The following SLCO5A1 variants were observed in gnomAD, a reference collection of about 807,000 sequenced individuals.
The protein encoded by SLCO5A1 is solute carrier organic anion transporter family member 5A1.
In SLCO5A1, 39 loss-of-function variants were observed where a neutral mutation model predicts 65.1. The ratio of observed to expected loss-of-function variants is 0.60; its 90% CI spans 0.46 to 0.78. SLCO5A1 has a LOEUF of 0.78. Among genes scored for constraint, SLCO5A1 ranks in the 30% least tolerant of loss-of-function variants. The pLI, the probability that SLCO5A1 is intolerant of heterozygous loss-of-function variation, is 0.00. For missense variants in SLCO5A1, 1,029 were observed against 1,069.4 expected (o/e 0.96, Z 0.53); for synonymous variants, 438 against 415.7 (o/e 1.05, Z -0.65).
chr8:69,797,009 T>C (rs962862901), intron 2 of SLCO5A1, among the ~76,000 whole-genome samples: 1 of 152,218 alleles, frequency 6.6e-6, no homozygotes, highest in Non-Finnish European at 1.5e-5. Flanking sequence ...GTCACAACCA[T>C]TTAACAAGTC....
At chr8:69,800,326 T>C (rs1318183017) in intron 2 of SLCO5A1, among the ~76,000 whole-genome samples, 1 of 132,766 alleles carries the variant, frequency 7.5e-6, no homozygotes, top group African/African-American at 2.9e-5. Context: ...CAATCACAAA[T>C]CACTGCAGCT....
chr8:69,830,193 T>C (rs1821101084), intron 2 of SLCO5A1, among the ~76,000 whole-genome samples: 1 of 152,154 alleles, frequency 6.6e-6, no homozygotes, highest in Non-Finnish European at 1.5e-5. Flanking sequence ...CAAACACCCC[T>C]CTATAACAGC....
chr8:69,748,559 C>T (rs953593242), intron 4 of SLCO5A1, among the ~76,000 whole-genome samples: 14 of 152,048 alleles, frequency 9.2e-5, no homozygotes, highest in African/African-American at 3.1e-4. Context: ...GCATCCAAAC[C>T]GGGAGAAAGA....
At chr8:69,677,555 G>T (rs1813599659) in intron 8 of SLCO5A1, among the ~76,000 whole-genome samples, 1 of 152,164 alleles carries the variant, frequency 6.6e-6, no homozygotes, top group African/African-American at 2.4e-5. Flanking sequence ...CAAGACCAGT[G>T]CCCTTGTCAC....
chr8:69,787,859 T>G (rs1334423449), intron 2 of SLCO5A1, among the ~76,000 whole-genome samples: 1 of 152,120 alleles, frequency 6.6e-6, no homozygotes, highest in Non-Finnish European at 1.5e-5. Context: ...CCAACAACCT[T>G]GAGGTCAAAA....
intron 5 of SLCO5A1, among the ~76,000 whole-genome samples, chr8:69,728,644 T>A (rs1816197356): frequency 6.6e-6 from 1 of 152,206 alleles, no homozygotes; most frequent in South Asian, 2.1e-4. Context: ...CTATATGTCT[T>A]ATGGTTTATG....
At chr8:69,745,848 T>A (rs1259650316) in intron 4 of SLCO5A1, among the ~76,000 whole-genome samples, 1 of 152,226 alleles carries the variant, frequency 6.6e-6, no homozygotes, top group Admixed American at 6.5e-5. Flanking sequence ...ATATAAATAC[T>A]TTCTTACTAT....
At chr8:69,831,084 C>T (rs1399521725) in intron 2 of SLCO5A1, among the ~76,000 whole-genome samples, 1 of 152,062 alleles carries the variant, frequency 6.6e-6, no homozygotes, top group African/African-American at 2.4e-5. Context: ...ACCAGCCTGA[C>T]AAACATGGTG....
rs764923846 is a variant in SLCO5A1 at position 69,672,961 on chromosome 8, G to C, written c.2455C>G (p.Gln819Glu). 3.1e-6 allele frequency: 5 copies of C among 1,614,232 alleles called. No individual in the cohort carries two copies. Among genetic ancestry groups the C allele is most frequent in the Admixed American group, 1.7e-5 (1 of 60,028 alleles). The change falls in exon 10 of 10, where the codon CAG (glutamine) becomes GAG (glutamate). Residue 819 changes from glutamine to glutamate, a missense_variant. This residue lies in a region of SLCO5A1 where 258 missense variants were observed against 237.4 expected (regional missense o/e 1.09). Transcript: ENST00000260126. ...TCTGGGAAGGGCCCCGGGTAGGTCTGTGCTGCGCACTGGATCCCTTTTTGC... is the reference window on the plus strand; with the variant it reads ...TCTGGGAAGGGCCCCGGGTAGGTCTCTGCTGCGCACTGGATCCCTTTTTGC... ...GLQKGIQCAA[Q>E]TYPGPFPEAI...
intron 4 of SLCO5A1, among the ~76,000 whole-genome samples, chr8:69,743,069 G>A (rs946653670): frequency 6.6e-6 from 1 of 152,096 alleles, no homozygotes; most frequent in Admixed American, 6.6e-5. Flanking sequence ...CAAAGTGCTG[G>A]GATTACAGGC....
At chr8:69,779,238 G>A (rs993101686) in intron 2 of SLCO5A1, among the ~76,000 whole-genome samples, 5 of 151,992 alleles carry the variant, frequency 3.3e-5, no homozygotes, top group African/African-American at 1.2e-4. Flanking sequence ...CACCCCTAAG[G>A]TAGTTATAAT....
Position 69,784,889 on chromosome 8 carries a change from A to AAG in SLCO5A1, c.908-23015_908-23014insCT, listed in dbSNP as rs1159016263. ...GGAAGGAAGGAGAAAGAAAGAAAGA[A>AAG]GAAAGGAAGAAAGAAAGAAAGAAAG... On this transcript the variant is annotated intron_variant, in intron 2 of 9. Coordinates refer to ENST00000260126, the MANE Select transcript of SLCO5A1 (RefSeq NM_030958.3). Among the ~76,000 whole-genome samples, 267 of 121,580 alleles carry AAG rather than the reference A, an allele frequency of 2.2e-3. 1 individual carries two copies. Among genetic ancestry groups the AAG allele is most frequent in the Non-Finnish European group, 2.7e-3 (157 of 58,896 alleles). 79.8% of individuals were successfully genotyped at this position (121,580 alleles called of 152,430 possible). A position where few individuals can be genotyped will look rare whatever the true frequency, so the allele number is the denominator to read the frequency against.
At chr8:69,728,685 A>C (rs927383105) in intron 5 of SLCO5A1, among the ~76,000 whole-genome samples, 13 of 151,962 alleles carry the variant, frequency 8.6e-5, no homozygotes, top group Admixed American at 5.2e-4. Flanking sequence ...ATTGGTTTGA[A>C]ATTATTATAC....
intron 5 of SLCO5A1, among the ~76,000 whole-genome samples, chr8:69,721,563 T>C (rs1815815585): frequency 6.6e-6 from 1 of 152,240 alleles, no homozygotes; most frequent in South Asian, 2.1e-4. Flanking sequence ...AGTGCTCCCA[T>C]AAACATACAC....
chr8:69,821,519 C>A (rs1426537810), intron 2 of SLCO5A1, among the ~76,000 whole-genome samples: 1 of 151,738 alleles, frequency 6.6e-6, no homozygotes, highest in Non-Finnish European at 1.5e-5. Flanking sequence ...AGAAAATAGG[C>A]CAGAATAGAC....
chr8:69,776,011 A>G (rs1020952135), intron 2 of SLCO5A1, among the ~76,000 whole-genome samples: 1 of 152,156 alleles, frequency 6.6e-6, no homozygotes, highest in African/African-American at 2.4e-5. Context: ...CCCTGTCTCA[A>G]AAAAAGAAAA....
intron 6 of SLCO5A1, among the ~76,000 whole-genome samples, chr8:69,697,034 A>G (rs1286658520): frequency 6.6e-6 from 1 of 152,248 alleles, no homozygotes; most frequent in Non-Finnish European, 1.5e-5. Context: ...ACATCTGACT[A>G]ACAACAGTAC....
chr8:69,782,902 G>T (rs1323470616), intron 2 of SLCO5A1, among the ~76,000 whole-genome samples: 1 of 152,206 alleles, frequency 6.6e-6, no homozygotes, highest in Non-Finnish European at 1.5e-5. Flanking sequence ...GTTCGTAAGA[G>T]TATTGGCTTC....
Position 69,682,224 on chromosome 8 carries a change from C to G in SLCO5A1, c.1742G>C (p.Cys581Ser). ...GSDGITYFNP[C>S]LAGCVNSGNL... ...ACCACTATTAACACAGCCAGCCAGA[C>G]AAGGGTTAAAGTATGTAATTCCATC... is the stretch of plus-strand genomic sequence containing the variant. Residue 581 changes from cysteine to serine, a missense_variant, in exon 7 of 10, where the codon TGT becomes TCT. Cys to Ser is a moderately radical substitution (Grantham distance 112, BLOSUM62 -1). This residue lies in a region of SLCO5A1 where 124 missense variants were observed against 184.5 expected (regional missense o/e 0.67). Transcript: ENST00000260126. The G allele has an allele frequency of 1.2e-6, 2 of 1,612,854 alleles. No individual in the cohort carries two copies. Among genetic ancestry groups the G allele is most frequent in the South Asian group, 1.1e-5 (1 of 90,788 alleles).
Sources: gnomAD v4.1 joint callset for allele counts (sites outside exome capture counted in the v4.1 genomes callset) on GRCh38, gnomAD v4.1.1 for gene constraint, gnomAD v4.1.1 regional missense constraint, MANE v1.5 for transcripts, NCBI Gene and HGNC (gene_info 2026-07-23, HGNC 2026-07-21) for gene names.